The following DNAH12 variants were observed in gnomAD, a reference collection of about 807,000 sequenced individuals.
DNAH12 encodes axonemal beta dynein heavy chain 12.
In DNAH12, 285 loss-of-function variants were observed where a neutral mutation model predicts 371.5. The ratio of observed to expected loss-of-function variants is 0.77; its 90% CI spans 0.70 to 0.85. DNAH12 has a LOEUF of 0.85. Ranked by LOEUF, DNAH12 falls within the 40% of genes least tolerant of loss-of-function variation. The pLI is 0.00. For synonymous variants in DNAH12, 1,200 were observed against 1,213.0 expected, an observed-to-expected ratio of 0.99 and a Z score of 0.22; for missense variants, 3,611 against 3,689.4, an observed-to-expected ratio of 0.98 and a Z score of 0.55.
intron 59 of DNAH12, among the ~76,000 whole-genome samples, chr3:57,354,910 T>A (rs992165479): frequency 6.6e-6 from 1 of 152,308 alleles, no homozygotes; most frequent in African/African-American, 2.4e-5. Flanking sequence ...TATATAAAAT[T>A]TTTGAAGTAA....
chr3:57,334,342 C>G (rs1038882306), intron 62 of DNAH12, 123 bp downstream of exon 62: 1 of 1,077,466 alleles, frequency 9.3e-7, no homozygotes. Flanking sequence ...CCAAAGAGCT[C>G]AATGAACTGT....
rs937469180 is a variant in DNAH12, at chr3:57,475,407, T to A, written c.1651-2736A>T. 9.8e-5 allele frequency among the ~76,000 whole-genome samples: 15 copies of A among 152,304 alleles called. No homozygotes were observed. The East Asian group carries it at 2.7e-3, about 27-fold the overall frequency. The stretch of plus-strand genomic sequence containing the variant: ...TTATAAAATAAAAGACTGCTCCATT[T>A]AACTGCATTAAAATTAAGGACTTCT... On this transcript the variant is annotated intron_variant, in intron 13 of 73. Coordinates refer to ENST00000495027, the MANE Select transcript of DNAH12 (RefSeq NM_001366028.2).
intron 32 of DNAH12, among the ~76,000 whole-genome samples, chr3:57,430,936 TAAATAA>T (rs1452026057): frequency 6.6e-6 from 1 of 152,224 alleles, no homozygotes. Flanking sequence ...TAACTAAAAC[TAAATAA>T]AATTTAAAAT....
At chr3:57,296,803 A>G (rs2061242466) in intron 71 of DNAH12, 44 bp downstream of exon 71, 19 of 1,523,610 alleles carry the variant, frequency 1.2e-5, no homozygotes, top group Non-Finnish European at 1.7e-5. Context: ...TAAATACATG[A>G]CTTAATGTAA....
chr3:57,423,685 G>C (rs1181288226), intron 35 of DNAH12, among the ~76,000 whole-genome samples: 1 of 152,114 alleles, frequency 6.6e-6, no homozygotes. Flanking sequence ...CTTTCCTCAG[G>C]CTCTTGATAA....
At chr3:57,330,239 T>G (rs1283539558) in intron 62 of DNAH12, among the ~76,000 whole-genome samples, 2 of 151,550 alleles carry the variant, frequency 1.3e-5, no homozygotes, top group Admixed American at 6.6e-5. Flanking sequence ...CTATAAATCA[T>G]GCTGCTATAA....
chr3:57,471,680 T>C (rs1200898468), intron 14 of DNAH12, 74 bp from the exon 15 acceptor site: 5 of 1,259,032 alleles, frequency 4.0e-6, no homozygotes, highest in African/African-American at 3.1e-5. Context: ...CCAAATACTG[T>C]GTATAATAAT....
intron 25 of DNAH12, among the ~76,000 whole-genome samples, chr3:57,447,809 G>A (rs1453135452): frequency 6.6e-6 from 1 of 151,982 alleles, no homozygotes; most frequent in Admixed American, 6.6e-5. Flanking sequence ...GAGTAGCGAG[G>A]ACTATAGGTG....
chr3:57,445,176 G>A lies in DNAH12; in HGVS notation c.4423C>T (p.Leu1475Phe). Residue 1475 changes from leucine (L) to phenylalanine (F), a missense_variant and splice_region_variant, in exon 28 of 74, where the codon CTT (leucine) becomes TTT (phenylalanine). By Grantham distance (22) the Leu-to-Phe change is conservative. Around this residue, in one of 3 missense-constraint regions of DNAH12, gnomAD observed 2,266 missense variants for 2,236.9 expected, o/e 1.01. Coordinates refer to ENST00000495027, the MANE Select transcript of DNAH12 (RefSeq NM_001366028.2). ...LKYPNENEDILLLRSIKDVNE... is the reference protein window; with the variant it reads ...LKYPNENEDIFLLRSIKDVNE... Reference sequence around the variant, plus strand: ...CAATGTGTATATTTAATACTTACAAGTATATCTTCATTTTCATTTGGGTAT... The same window carrying A: ...CAATGTGTATATTTAATACTTACAAATATATCTTCATTTTCATTTGGGTAT... The A allele has an allele frequency of 6.5e-7, 1 of 1,539,070 alleles. No homozygotes were observed. The highest frequency in any genetic ancestry group is 8.8e-7 in the Non-Finnish European group (1 of 1,139,506).
chr3:57,459,695 C>T lies in DNAH12; in HGVS notation c.2828G>A (p.Cys943Tyr). Residue 943 changes from cysteine (C) to tyrosine (Y), a missense_variant, in exon 20 of 74, where the codon TGT becomes TAT. Cys to Tyr is a radical substitution (Grantham distance 194). Around this residue, in one of 3 missense-constraint regions of DNAH12, gnomAD observed 1,314 missense variants for 1,398.7 expected, o/e 0.94. Transcript: ENST00000495027. ...AQWLYLEPIFCSEDIMQQMPE... is the reference protein window; with the variant it reads ...AQWLYLEPIFYSEDIMQQMPE... ...CATCTGTTGCATGATATCCTCAGAA[C>T]AAAAGATGGGCTCTAAGTACAGCCA... 1 of 1,549,702 alleles carries T rather than the reference C, an allele frequency of 6.5e-7. No homozygotes were observed. The highest frequency in any genetic ancestry group is 1.4e-5 in the African/African-American group (1 of 73,132).
At chr3:57,301,986 A>T (rs1216432404) in intron 69 of DNAH12, 47 bp from the exon 70 acceptor site, 2 of 1,519,642 alleles carry the variant, frequency 1.3e-6, no homozygotes, top group Admixed American at 4.0e-5. Context: ...TGATATCAAC[A>T]TACGGTCTTT....
intron 1 of DNAH12, among the ~76,000 whole-genome samples, chr3:57,543,739 T>C (rs995867917): frequency 1.3e-5 from 2 of 151,236 alleles, no homozygotes; most frequent in Non-Finnish European, 2.9e-5. Context: ...TAAAATGTCA[T>C]GTAAATGCTC....
At chr3:57,507,597 C>T in intron 8 of DNAH12, 46 bp downstream of exon 8, 2 of 1,322,700 alleles carry the variant, frequency 1.5e-6, no homozygotes, top group Admixed American at 3.0e-5. Flanking sequence ...AAATATTGAA[C>T]TAATTTTAAT....
chr3:57,407,154 C>A (rs528669982), intron 40 of DNAH12, among the ~76,000 whole-genome samples: 29 of 152,162 alleles, frequency 1.9e-4, no homozygotes, highest in Middle Eastern at 3.4e-3. Flanking sequence ...ACCTTGGCCT[C>A]CCAAAGTGCT....
At chr3:57,548,676 A>T (rs1438127095), upstream of DNAH12, among the ~76,000 whole-genome samples, 1 of 152,186 alleles carries the variant, frequency 6.6e-6, no homozygotes, top group Non-Finnish European at 1.5e-5. Flanking sequence ...ACTGCACTCC[A>T]GCCTGGGTGA....
intron 12 of DNAH12, among the ~76,000 whole-genome samples, chr3:57,485,430 A>G (rs2066892173): frequency 6.7e-6 from 1 of 149,670 alleles, no homozygotes; most frequent in Non-Finnish European, 1.5e-5. Flanking sequence ...CTTTTCTGAG[A>G]CAGAGTCTCA....
chr3:57,294,020 C>A lies in DNAH12; in HGVS notation c.11693-49G>T, dbSNP rs562135987. ...TTCACTTGATAAAGGGAAAAACAGC[C>A]ATTGGTACGAAAAGAACTATTTATC... On this transcript the variant is annotated intron_variant, in intron 73 of 73. Coordinates refer to ENST00000495027, the MANE Select transcript of DNAH12 (RefSeq NM_001366028.2). The A allele has an allele frequency of 1.0e-5, 14 of 1,384,692 alleles. No individual in the cohort carries two copies. In the African/African-American group the frequency reaches 2.1e-4, roughly 20 times the overall value. The allele number at this position is 1,384,692 out of a possible 1,614,324, so 85.8% of individuals were successfully genotyped here.
intron 60 of DNAH12, among the ~76,000 whole-genome samples, chr3:57,338,913 G>A (rs1430928955): frequency 5.3e-5 from 8 of 152,354 alleles, no homozygotes; most frequent in East Asian, 1.9e-4. Flanking sequence ...CCATGGTGAC[G>A]ATGGCGGTTT....
chr3:57,480,871 G>C (rs1158251786), intron 13 of DNAH12, among the ~76,000 whole-genome samples: 3 of 152,060 alleles, frequency 2.0e-5, no homozygotes, highest in Admixed American at 6.6e-5. Flanking sequence ...ATTCAACAGT[G>C]CTTCATGCTA....
Sources: gnomAD v4.1 joint callset for allele counts (sites outside exome capture counted in the v4.1 genomes callset) on GRCh38, gnomAD v4.1.1 for gene constraint, gnomAD v4.1.1 regional missense constraint, MANE v1.5 for transcripts, NCBI Gene and HGNC (gene_info 2026-07-23, HGNC 2026-07-21) for gene names.